The following RHOJ variants were observed in gnomAD, a reference collection of about 807,000 sequenced individuals.
The protein encoded by RHOJ is ras homolog family member J.
In RHOJ, 11 loss-of-function variants were observed where a neutral mutation model predicts 23.4. That is an observed-to-expected ratio of 0.47 (90% confidence interval 0.30 to 0.78). The LOEUF (loss-of-function observed/expected upper bound fraction) is 0.78, where lower values mean the gene tolerates loss of function less well. Ranked by LOEUF, RHOJ falls within the 30% of genes least tolerant of loss-of-function variation. The probability of loss-of-function intolerance (pLI) is 0.08; values close to 1 mark genes in which losing one functional copy is unlikely to be tolerated. For synonymous variants in RHOJ, 102 were observed against 102.7 expected (o/e 0.99, Z 0.04); for missense variants, 254 against 273.4 (o/e 0.93, Z 0.50).
At chr14:63,227,055 G>T (rs996797367) in intron 1 of RHOJ, among the ~76,000 whole-genome samples, 1 of 152,032 alleles carries the variant, frequency 6.6e-6, no homozygotes, top group Non-Finnish European at 1.5e-5. Flanking sequence ...GGGTTCAAGC[G>T]ATTCTCCCAC....
intron 2 of RHOJ, among the ~76,000 whole-genome samples, chr14:63,275,678 C>T (rs1881693558): frequency 6.6e-6 from 1 of 152,190 alleles, no homozygotes; most frequent in Admixed American, 6.5e-5. Context: ...CCCATTTGAG[C>T]CTCTCTTTTA....
chr14:63,264,810 C>T (rs951801559), intron 1 of RHOJ, among the ~76,000 whole-genome samples: 1 of 152,128 alleles, frequency 6.6e-6, no homozygotes, highest in Non-Finnish European at 1.5e-5. Context: ...ATGTTGGCCA[C>T]TTGTATGTCT....
chr14:63,267,597 A>C (rs1463025551), intron 1 of RHOJ, among the ~76,000 whole-genome samples: 3 of 152,244 alleles, frequency 2.0e-5, no homozygotes, highest in Admixed American at 2.0e-4. Flanking sequence ...GGCAGATTTC[A>C]GAAACATCTG....
At chr14:63,233,773 T>C (rs1484299838) in intron 1 of RHOJ, among the ~76,000 whole-genome samples, 3 of 152,176 alleles carry the variant, frequency 2.0e-5, no homozygotes, top group Admixed American at 6.5e-5. Flanking sequence ...CCAGCCTGGC[T>C]TCTCGCTTGG....
At chr14:63,285,192 G>T (rs1882041072) in intron 4 of RHOJ, among the ~76,000 whole-genome samples, 1 of 152,124 alleles carries the variant, frequency 6.6e-6, no homozygotes, top group South Asian at 2.1e-4. Flanking sequence ...AATCCTCACA[G>T]CAACCCCCTG....
intron 1 of RHOJ, among the ~76,000 whole-genome samples, chr14:63,216,531 A>C (rs1021341176): frequency 6.6e-6 from 1 of 152,182 alleles, no homozygotes; most frequent in South Asian, 2.1e-4. Context: ...TCAAAGTAAG[A>C]ATTATTAGGA....
At chr14:63,273,151 T>G (rs938125197) in intron 2 of RHOJ, among the ~76,000 whole-genome samples, 3 of 152,226 alleles carry the variant, frequency 2.0e-5, no homozygotes, top group Non-Finnish European at 2.9e-5. Context: ...AGTGGAGCCC[T>G]TTGAAGATAG....
chr14:63,223,293 T>C (rs372861712), intron 1 of RHOJ, among the ~76,000 whole-genome samples: 8 of 152,328 alleles, frequency 5.3e-5, no homozygotes, highest in Middle Eastern at 3.4e-3. Flanking sequence ...CCCACCCAGC[T>C]TCTCTGTGTT....
intron 1 of RHOJ, among the ~76,000 whole-genome samples, chr14:63,233,296 G>A (rs1399140444): frequency 1.3e-5 from 2 of 152,198 alleles, no homozygotes; most frequent in African/African-American, 2.4e-5. Context: ...TGAATGGGGA[G>A]TAACTGCTCT....
At chr14:63,245,801 T>C (rs543866308) in intron 1 of RHOJ, among the ~76,000 whole-genome samples, 1 of 152,160 alleles carries the variant, frequency 6.6e-6, no homozygotes, top group Non-Finnish European at 1.5e-5. Flanking sequence ...TAACTAACCA[T>C]GGATGCTACT....
At chr14:63,209,760 G>C (rs530021245) in intron 1 of RHOJ, among the ~76,000 whole-genome samples, 498 of 152,214 alleles carry the variant, frequency 3.3e-3, no homozygotes, top group Non-Finnish European at 5.5e-3. Flanking sequence ...CCAACACTTA[G>C]ATAGTTTCTG....
chr14:63,275,393 C>T (rs1022617429), intron 2 of RHOJ, among the ~76,000 whole-genome samples: 1 of 152,184 alleles, frequency 6.6e-6, no homozygotes, highest in African/African-American at 2.4e-5. Context: ...CTAAGAAGTG[C>T]TATCTAGAAA....
At chr14:63,278,797 C>A (rs573646148) in intron 2 of RHOJ, among the ~76,000 whole-genome samples, 4 of 152,146 alleles carry the variant, frequency 2.6e-5, no homozygotes, top group African/African-American at 7.2e-5. Flanking sequence ...CCAGCCTGGG[C>A]AACACAGTGA....
intron 1 of RHOJ, among the ~76,000 whole-genome samples, chr14:63,209,486 T>C (rs1463541668): frequency 1.7e-5 from 2 of 114,328 alleles, no homozygotes; most frequent in Non-Finnish European, 4.2e-5. Flanking sequence ...TCTCATACTA[T>C]TCCGCTAGAT....
intron 1 of RHOJ, among the ~76,000 whole-genome samples, chr14:63,231,603 G>A (rs567122374): frequency 6.6e-6 from 1 of 152,268 alleles, no homozygotes; most frequent in African/African-American, 2.4e-5. Flanking sequence ...ACTCAGCTCG[G>A]TATTGCAGTG....
chr14:63,260,979 A>G (rs890478454), intron 1 of RHOJ, among the ~76,000 whole-genome samples: 13 of 152,234 alleles, frequency 8.5e-5, no homozygotes, highest in Admixed American at 5.2e-4. Context: ...CAAATGTGAA[A>G]AAGATGTTTC....
At chr14:63,279,824 TGTTA>T (rs1391173205) in intron 2 of RHOJ, among the ~76,000 whole-genome samples, 1 of 152,230 alleles carries the variant, frequency 6.6e-6, no homozygotes, top group Admixed American at 6.5e-5. Flanking sequence ...TTGTTTTGCA[TGTTA>T]GTTCATTTAT....
At chr14:63,243,102 G>A (rs1164419763) in intron 1 of RHOJ, among the ~76,000 whole-genome samples, 4 of 152,132 alleles carry the variant, frequency 2.6e-5, no homozygotes, top group Non-Finnish European at 5.9e-5. Context: ...AAAACAAATT[G>A]AAGAAAATTT....
chr14:63,287,968 T>C (rs1452609561), intron 4 of RHOJ, among the ~76,000 whole-genome samples: 3 of 152,188 alleles, frequency 2.0e-5, no homozygotes, highest in Non-Finnish European at 1.5e-5. Flanking sequence ...TTTTTAGCAA[T>C]CTGGCTGTGC....
Sources: allele counts gnomAD v4.1 joint callset (sites outside exome capture counted in the v4.1 genomes callset), GRCh38; gene constraint gnomAD v4.1.1; transcripts MANE v1.5; gene names NCBI Gene and HGNC (gene_info 2026-07-23, HGNC 2026-07-21).